PRKCE: variants seen among roughly 807,000 people sequenced by gnomAD.
The protein encoded by PRKCE is protein kinase C epsilon type.
Under a neutral mutation model 85.4 loss-of-function variants are expected in PRKCE, and 16 were observed. The observed-to-expected ratio is 0.19, with a 90% CI of 0.13 to 0.28. PRKCE has a LOEUF of 0.28. Among genes scored for constraint, PRKCE ranks in the 10% least tolerant of loss-of-function variants. The pLI, the probability that PRKCE is intolerant of heterozygous loss-of-function variation, is 1.00. For synonymous variants in PRKCE, 388 were observed against 371.5 expected (o/e 1.04, Z -0.51); for missense variants, 573 against 975.2 (o/e 0.59, Z 5.49).
intron 1 of PRKCE, among the ~76,000 whole-genome samples, chr2:45,788,009 A>G (rs1686745393): frequency 6.6e-6 from 1 of 152,158 alleles, no homozygotes; most frequent in Non-Finnish European, 1.5e-5. Flanking sequence ...TGTGCCTAGA[A>G]ACCCTGAAGG....
At chr2:45,980,027 A>G (rs1470355707) in intron 4 of PRKCE, among the ~76,000 whole-genome samples, 2 of 152,186 alleles carry the variant, frequency 1.3e-5, no homozygotes, top group Non-Finnish European at 2.9e-5. Flanking sequence ...GAGAAAATTG[A>G]TCAGTACTCC....
chr2:45,905,441 G>A lies in PRKCE; in HGVS notation c.412+62378G>A, dbSNP rs1043863991. 7.9e-5 allele frequency among the ~76,000 whole-genome samples: 12 copies of A among 152,352 alleles called. No homozygotes were observed. Among genetic ancestry groups the A allele is most frequent in the Non-Finnish European group, 1.8e-4 (12 of 68,030 alleles). On this transcript the variant is annotated intron_variant, in intron 2 of 14. Coordinates refer to ENST00000306156, the MANE Select transcript of PRKCE (RefSeq NM_005400.3). This position sits in a 1 kb window ranked among gnomAD's most constrained non-coding sequence, Gnocchi z 4.4. ...TGCTGAGAGAGCTGAAATCTATTTTGCTGAGGCCAAATTGGCTGTTGATGG... is the reference window on the plus strand; with the variant it reads ...TGCTGAGAGAGCTGAAATCTATTTTACTGAGGCCAAATTGGCTGTTGATGG...
At chr2:45,757,667 A>T (rs922406139) in intron 1 of PRKCE, among the ~76,000 whole-genome samples, 1 of 152,198 alleles carries the variant, frequency 6.6e-6, no homozygotes, top group Admixed American at 6.5e-5. Context: ...TCCTGTCTCT[A>T]TTAAAAAATA....
At chr2:46,150,506 G>A (rs117822207) in intron 12 of PRKCE, among the ~76,000 whole-genome samples, 2 of 152,172 alleles carry the variant, frequency 1.3e-5, no homozygotes, top group Non-Finnish European at 2.9e-5. Flanking sequence ...ATTACAGGGT[G>A]GGGGAGACTT....
intron 2 of PRKCE, among the ~76,000 whole-genome samples, chr2:45,860,513 C>T (rs1025383432): frequency 2.0e-5 from 3 of 152,172 alleles, no homozygotes; most frequent in African/African-American, 7.2e-5. Flanking sequence ...TTTCTTTGCC[C>T]TTCTGTATGG....
chr2:45,735,311 A>G (rs1008050123), intron 1 of PRKCE, among the ~76,000 whole-genome samples: 6 of 152,234 alleles, frequency 3.9e-5, no homozygotes, highest in African/African-American at 1.2e-4. Context: ...CTCAGAGACT[A>G]TCACTTCCAT....
intron 10 of PRKCE, among the ~76,000 whole-genome samples, chr2:46,044,436 A>T (rs1179082542): frequency 2.0e-5 from 3 of 152,162 alleles, no homozygotes; most frequent in African/African-American, 7.2e-5. Context: ...GGGGGCTTTG[A>T]TTCAAGTATG....
intron 1 of PRKCE, among the ~76,000 whole-genome samples, chr2:45,825,645 A>T (rs1055239555): frequency 1.3e-5 from 2 of 152,202 alleles, no homozygotes; most frequent in Admixed American, 1.3e-4. Flanking sequence ...GCGCTTTGGG[A>T]GGCCAAGAGA....
chr2:45,774,091 C>A lies in PRKCE; in HGVS notation c.349-68909C>A, dbSNP rs112941688. On this transcript the variant is annotated intron_variant, in intron 1 of 14. Transcript: ENST00000306156. This position sits in a 1 kb window ranked among gnomAD's most constrained non-coding sequence, Gnocchi z 4.3. The stretch of plus-strand genomic sequence containing the variant: ...GCTGCTGTTCATCTTGGGGGACCCA[C>A]CCTTTGTTGGTAGGACCTCCCTTGG... 7.9e-3 allele frequency among the ~76,000 whole-genome samples: 1,207 copies of A among 152,320 alleles called. 14 individuals carry two copies. Among genetic ancestry groups the A allele is most frequent in the African/African-American group, 0.027 (1,104 of 41,566 alleles).
At chr2:45,819,439 G>A (rs1165806104) in intron 1 of PRKCE, among the ~76,000 whole-genome samples, 1 of 152,208 alleles carries the variant, frequency 6.6e-6, no homozygotes, top group African/African-American at 2.4e-5. Context: ...AAGGTCCATA[G>A]CATGGACCCA....
intron 14 of PRKCE, among the ~76,000 whole-genome samples, chr2:46,160,275 C>A (rs1159241027): frequency 1.3e-5 from 2 of 152,152 alleles, no homozygotes; most frequent in African/African-American, 4.8e-5. Flanking sequence ...CTGTGAGATA[C>A]CCTCTCCCTT....
chr2:46,111,085 G>A (rs943131276), intron 11 of PRKCE, among the ~76,000 whole-genome samples: 2 of 152,002 alleles, frequency 1.3e-5, no homozygotes, highest in African/African-American at 4.8e-5. Context: ...TTACATTTGA[G>A]GCAGTTTTTC....
intron 9 of PRKCE, 57 bp downstream of exon 9, chr2:46,007,718 C>G: frequency 6.5e-7 from 1 of 1,533,588 alleles, no homozygotes; most frequent in Non-Finnish European, 8.8e-7. Flanking sequence ...AGCATTGTTT[C>G]GTCTGTTTGA....
chr2:45,666,995 C>A (rs750811654), intron 1 of PRKCE, among the ~76,000 whole-genome samples: 33 of 152,116 alleles, frequency 2.2e-4, no homozygotes, highest in Admixed American at 1.3e-4. Flanking sequence ...CACACACTAC[C>A]ATGCCTAGCT....
intron 6 of PRKCE, among the ~76,000 whole-genome samples, chr2:45,990,260 C>T (rs983472237): frequency 3.3e-5 from 5 of 152,176 alleles, no homozygotes; most frequent in African/African-American, 4.8e-5. Context: ...AGTTCTCTGC[C>T]GTATGGGCCT....
Position 46,138,180 on chromosome 2 carries a change from T to A in PRKCE, c.1593-6913T>A, listed in dbSNP as rs1264171298. Among the ~76,000 whole-genome samples the A allele has an allele frequency of 6.6e-6, 1 of 152,216 alleles. No individual in the cohort carries two copies. The highest frequency in any genetic ancestry group is 1.5e-5 in the Non-Finnish European group (1 of 68,032). On this transcript the variant is annotated intron_variant, in intron 11 of 14. Transcript: ENST00000306156. The surrounding 1 kb of genome is among the most constrained non-coding windows in gnomAD (Gnocchi z 4.2). ...TCCTACCGCAGGAGAGCCTTCATTG[T>A]GCCATCCTGCCTTGAAGTGGGTCTG... is the stretch of plus-strand genomic sequence containing the variant.
At chr2:45,669,427 G>A (rs969436514) in intron 1 of PRKCE, among the ~76,000 whole-genome samples, 1 of 152,224 alleles carries the variant, frequency 6.6e-6, no homozygotes, top group African/African-American at 2.4e-5. Context: ...AGTCTCTCAT[G>A]TGGCCAGCCT....
At chr2:45,900,949 A>G (rs1345536521) in intron 2 of PRKCE, among the ~76,000 whole-genome samples, 1 of 152,244 alleles carries the variant, frequency 6.6e-6, no homozygotes, top group African/African-American at 2.4e-5. Context: ...GAGTAAGGCA[A>G]TACAGGTACT....
At chr2:45,718,531 A>G (rs1382856321) in intron 1 of PRKCE, among the ~76,000 whole-genome samples, 2 of 151,880 alleles carry the variant, frequency 1.3e-5, no homozygotes, top group Non-Finnish European at 2.9e-5. Flanking sequence ...TTTTGTAGAG[A>G]TGGAGTCTCA....
Sources: allele counts gnomAD v4.1 joint callset (sites outside exome capture counted in the v4.1 genomes callset), GRCh38; gene constraint gnomAD v4.1.1; non-coding constraint Gnocchi (gnomAD v3.1); transcripts MANE v1.5; gene names NCBI Gene and HGNC (gene_info 2026-07-23, HGNC 2026-07-21).